The following ZNF704 variants were observed in gnomAD, a reference collection of about 807,000 sequenced individuals.
ZNF704 encodes glucocorticoid induced gene 1.
ZNF704 carries 10 observed loss-of-function variants against 44.7 expected under a neutral mutation model. The ratio of observed to expected loss-of-function variants is 0.22; its 90% CI spans 0.14 to 0.38. ZNF704 has a LOEUF of 0.38. ZNF704 is among the 10% of genes least tolerant of loss of function. The pLI, the probability that ZNF704 is intolerant of heterozygous loss-of-function variation, is 1.00. For synonymous variants in ZNF704, 211 were observed against 207.6 expected (o/e 1.02, Z -0.14); for missense variants, 390 against 545.5 (o/e 0.71, Z 2.84).
chr8:80,678,619 GATAAAA>G (rs1479763114), intron 4 of ZNF704, among the ~76,000 whole-genome samples: 1 of 152,136 alleles, frequency 6.6e-6, no homozygotes, highest in Non-Finnish European at 1.5e-5. Context: ...TTTTACACTA[GATAAAA>G]ATAAGAAACA....
At chr8:80,777,471 T>C (rs1352375793) in intron 2 of ZNF704, among the ~76,000 whole-genome samples, 1 of 152,224 alleles carries the variant, frequency 6.6e-6, no homozygotes, top group Non-Finnish European at 1.5e-5. Flanking sequence ...AACATCTGTA[T>C]ATATCCTTCA....
chr8:80,871,858 G>C (rs900205507), intron 1 of ZNF704, among the ~76,000 whole-genome samples: 2 of 152,174 alleles, frequency 1.3e-5, no homozygotes, highest in African/African-American at 4.8e-5. Context: ...AATTTCTGAA[G>C]TTGTGGGCAA....
chr8:80,709,387 T>C (rs773773795), intron 2 of ZNF704, among the ~76,000 whole-genome samples: 4 of 119,120 alleles, frequency 3.4e-5, no homozygotes, highest in Non-Finnish European at 6.4e-5. Context: ...GAGATTGCAA[T>C]AAGCAGAGAT....
chr8:80,740,617 C>A (rs1162112945), intron 2 of ZNF704, among the ~76,000 whole-genome samples: 1 of 152,168 alleles, frequency 6.6e-6, no homozygotes, highest in African/African-American at 2.4e-5. Flanking sequence ...CCCAGCTGTA[C>A]CTAACCCTTG....
chr8:80,743,074 G>C (rs756519627), intron 2 of ZNF704, among the ~76,000 whole-genome samples: 1 of 151,682 alleles, frequency 6.6e-6, no homozygotes, highest in African/African-American at 2.4e-5. Context: ...AGAGCACAGG[G>C]GAAGGAACAA....
chr8:80,643,010 T>C (rs771488895), intron 8 of ZNF704, 25 bp downstream of exon 8: 6 of 1,501,928 alleles, frequency 4.0e-6, no homozygotes, highest in Non-Finnish European at 5.4e-6. Context: ...TGGTGAGGTG[T>C]GTGGAGTTTT....
chr8:80,687,340 C>A lies in ZNF704; in HGVS notation c.444G>T (p.Pro148=), dbSNP rs200278959. ...DQSNPSTPSP[P]LSADSFKPFR... Reference sequence around the variant, plus strand: ...AGGGCTTGAAGCTGTCAGCCGAGAGCGGCGGCGACGGCGTGGACGGGTTGG... The same window carrying A: ...AGGGCTTGAAGCTGTCAGCCGAGAGAGGCGGCGACGGCGTGGACGGGTTGG... The change falls in exon 4 of 9, where the codon CCG becomes CCT. Residue 148 remains proline, a synonymous_variant. Transcript: ENST00000327835. 6.2e-7 allele frequency: 1 copy of A among 1,609,904 alleles called. No individual in the cohort carries two copies. The highest frequency in any genetic ancestry group is 1.7e-5 in the Admixed American group (1 of 59,966).
chr8:80,776,836 T>TGCCAAATTTAGTGTGGAC (rs1244905652), intron 2 of ZNF704: 4 of 152,130 alleles, frequency 2.6e-5, no homozygotes, highest in Admixed American at 2.0e-4. Context: ...ATCACAATGA[T>TGCCAAATTTAGTGTGGAC]GCCAAATTTA....
chr8:80,825,335 T>C (rs1367694082), intron 1 of ZNF704, among the ~76,000 whole-genome samples: 1 of 152,110 alleles, frequency 6.6e-6, no homozygotes, highest in Non-Finnish European at 1.5e-5. Context: ...AGGAAGGCCA[T>C]TACATAATGG....
intron 1 of ZNF704, among the ~76,000 whole-genome samples, chr8:80,826,659 A>G (rs1403317539): frequency 1.3e-5 from 2 of 152,168 alleles, no homozygotes; most frequent in Admixed American, 6.6e-5. Flanking sequence ...GATGAACATC[A>G]ATGCAAAAAT....
At position 80,832,174 on chromosome 8, in the gene ZNF704, A is replaced by G. The variant is rs1808482350; in HGVS notation, c.-21-10559T>C. 2.0e-5 allele frequency among the ~76,000 whole-genome samples: 3 copies of G among 152,210 alleles called. No homozygotes were observed. The South Asian group carries it at 6.2e-4, about 32-fold the overall frequency. On this transcript the variant is annotated intron_variant, in intron 1 of 8. Coordinates refer to ENST00000327835, the MANE Select transcript of ZNF704 (RefSeq NM_001033723.3). ...CTTTTGTTTTCCTAGAAGAAGATAA[A>G]CAGTGTATATATAAATATGATATAC...
At chr8:80,867,993 G>T (rs1042361375) in intron 1 of ZNF704, among the ~76,000 whole-genome samples, 3 of 152,166 alleles carry the variant, frequency 2.0e-5, no homozygotes, top group African/African-American at 7.2e-5. Context: ...AAACCCTCTA[G>T]ATTCTTGTGT....
At chr8:80,734,274 CTCAA>C (rs1162243639) in intron 2 of ZNF704, among the ~76,000 whole-genome samples, 2 of 152,210 alleles carry the variant, frequency 1.3e-5, no homozygotes, top group African/African-American at 2.4e-5. Context: ...TGTAAGGATA[CTCAA>C]TCAGTCATAT....
intron 5 of ZNF704, among the ~76,000 whole-genome samples, chr8:80,667,906 G>A (rs1563512097): frequency 6.6e-6 from 1 of 152,062 alleles, no homozygotes. Context: ...TGATGATTAA[G>A]CTAATAAATA....
chr8:80,830,670 G>A (rs974616957), intron 1 of ZNF704, among the ~76,000 whole-genome samples: 2 of 149,600 alleles, frequency 1.3e-5, no homozygotes, highest in East Asian at 3.9e-4. Flanking sequence ...AAGGATGGAC[G>A]GAAGGAAGGA....
chr8:80,639,306 T>G lies in ZNF704; in HGVS notation c.*2060A>C, dbSNP rs1285351524. 1 of 152,258 alleles carries G rather than the reference T, an allele frequency of 6.6e-6. No homozygotes were observed. Among genetic ancestry groups the G allele is most frequent in the East Asian group, 1.9e-4 (1 of 5,198 alleles). The allele number at this position is 152,258 out of a possible 1,614,324, so 9.4% of individuals were successfully genotyped here. A position where few individuals can be genotyped will look rare whatever the true frequency, so the allele number is the denominator to read the frequency against. On this transcript the variant is annotated 3_prime_UTR_variant, in exon 9 of 9. Transcript: ENST00000327835. ...GGCAATCTGCCCATGGCTCAGGGCT[T>G]CCTGGACCAGGCCAGAGCATCATCT... is the stretch of plus-strand genomic sequence containing the variant.
At chr8:80,764,984 A>T (rs771054360) in intron 2 of ZNF704, among the ~76,000 whole-genome samples, 3 of 152,152 alleles carry the variant, frequency 2.0e-5, no homozygotes, top group Non-Finnish European at 4.4e-5. Context: ...GGCCCATAGG[A>T]TTATGGTGGT....
intron 4 of ZNF704, among the ~76,000 whole-genome samples, chr8:80,674,695 C>T (rs1037142309): frequency 1.2e-4 from 18 of 152,184 alleles, no homozygotes; most frequent in Non-Finnish European, 2.6e-4. Context: ...CTAGGCCCCA[C>T]CTCCCAACAC....
At chr8:80,764,633 T>A (rs1339283152) in intron 2 of ZNF704, among the ~76,000 whole-genome samples, 4 of 152,200 alleles carry the variant, frequency 2.6e-5, no homozygotes, top group African/African-American at 9.7e-5. Flanking sequence ...GCATTTACAT[T>A]TGGAGAGTGG....
Sources: gnomAD v4.1 joint callset for allele counts (sites outside exome capture counted in the v4.1 genomes callset) on GRCh38, gnomAD v4.1.1 for gene constraint, MANE v1.5 for transcripts, NCBI Gene and HGNC (gene_info 2026-07-23, HGNC 2026-07-21) for gene names.